Variants in CNTNAP2 observed in about 807,000 individuals in gnomAD.
CNTNAP2 encodes the protein contactin-associated protein-like 2.
CNTNAP2 carries 98 observed loss-of-function variants against 155.2 expected under a neutral mutation model. The observed-to-expected ratio is 0.63, with a 90% confidence interval of 0.54 to 0.75. The LOEUF (loss-of-function observed/expected upper bound fraction) is 0.75. Ranked by LOEUF, CNTNAP2 falls within the 30% of genes least tolerant of loss-of-function variation. The pLI, the probability that CNTNAP2 is intolerant of heterozygous loss-of-function variation, is 0.00. For missense variants in CNTNAP2, 1,727 were observed against 1,688.1 expected, an observed-to-expected ratio of 1.02 and a Z score of -0.40; for synonymous variants, 651 against 631.2, an observed-to-expected ratio of 1.03 and a Z score of -0.47.
chr7:146,670,997 G>C (rs1053752564), intron 1 of CNTNAP2, among the ~76,000 whole-genome samples: 4 of 152,102 alleles, frequency 2.6e-5, no homozygotes, highest in Admixed American at 2.0e-4. Context: ...TTAGGACCTA[G>C]CACTCCCAGT....
chr7:146,671,138 T>C (rs1183718641), intron 1 of CNTNAP2, among the ~76,000 whole-genome samples: 1 of 152,176 alleles, frequency 6.6e-6, no homozygotes, highest in Non-Finnish European at 1.5e-5. Flanking sequence ...GAGACTTTTC[T>C]TCTTAAACTG....
chr7:147,288,022 TC>T (rs369853209), intron 8 of CNTNAP2, among the ~76,000 whole-genome samples: 2 of 152,088 alleles, frequency 1.3e-5, no homozygotes, highest in African/African-American at 4.8e-5. Context: ...CCTCAGTCCT[TC>T]CCCCTTACCT....
At chr7:146,366,185 A>G (rs1795152724) in intron 1 of CNTNAP2, among the ~76,000 whole-genome samples, 4 of 152,116 alleles carry the variant, frequency 2.6e-5, no homozygotes, top group African/African-American at 7.2e-5. Context: ...TGTGTTTTCT[A>G]CTAGATTTAA....
intron 14 of CNTNAP2, among the ~76,000 whole-genome samples, chr7:147,923,779 C>T (rs1706304494): frequency 6.6e-6 from 1 of 152,030 alleles, no homozygotes; most frequent in Non-Finnish European, 1.5e-5. Context: ...GATTCTTCTA[C>T]CTTGGTCTCC....
Position 148,281,835 on chromosome 7 carries a change from C to CTTTTTTTTTT in CNTNAP2, c.3475+14719_3475+14728dup, listed in dbSNP as rs58086860. ...CATAGCTGGTACTTCACAACGTTTC[C>CTTTTTTTTTT]TTTTTTTTTTTTTTTTTTTGAGACG... On this transcript the variant is annotated intron_variant, in intron 21 of 23. Transcript: ENST00000361727. 1.6e-5 allele frequency among the ~76,000 whole-genome samples: 2 copies of CTTTTTTTTTT among 123,464 alleles called. 1 individual carries two copies. 81.0% of individuals were successfully genotyped at this position (123,464 alleles called of 152,430 possible). A position where few individuals can be genotyped will look rare whatever the true frequency, so the allele number is the denominator to read the frequency against.
intron 8 of CNTNAP2, among the ~76,000 whole-genome samples, chr7:147,251,974 C>T (rs1584820816): frequency 6.6e-6 from 1 of 151,602 alleles, no homozygotes; most frequent in African/African-American, 2.4e-5. Flanking sequence ...TAAAAAAAAA[C>T]AGCAAGGAGT....
intron 11 of CNTNAP2, among the ~76,000 whole-genome samples, chr7:147,541,133 A>G (rs1799631741): frequency 6.6e-6 from 1 of 152,200 alleles, no homozygotes; most frequent in African/African-American, 2.4e-5. Flanking sequence ...AGATGGTAAC[A>G]GTTAGAACAC....
At chr7:147,803,649 G>A (rs1382541319) in intron 13 of CNTNAP2, among the ~76,000 whole-genome samples, 1 of 152,164 alleles carries the variant, frequency 6.6e-6, no homozygotes, top group Non-Finnish European at 1.5e-5. Context: ...GTCTCCACCT[G>A]GCTCTGGAAG....
intron 2 of CNTNAP2, among the ~76,000 whole-genome samples, chr7:146,811,433 A>G (rs1803064026): frequency 6.6e-6 from 1 of 152,050 alleles, no homozygotes; most frequent in Admixed American, 6.6e-5. Flanking sequence ...ATAAGAGTTC[A>G]TAGTGATTTC....
At chr7:146,427,761 A>T (rs1319491999) in intron 1 of CNTNAP2, among the ~76,000 whole-genome samples, 1 of 152,214 alleles carries the variant, frequency 6.6e-6, no homozygotes, top group Non-Finnish European at 1.5e-5. Context: ...TTTTAAGTTC[A>T]GGGGGACATG....
intron 11 of CNTNAP2, among the ~76,000 whole-genome samples, chr7:147,559,446 A>G (rs1289532795): frequency 1.3e-5 from 2 of 152,224 alleles, no homozygotes; most frequent in East Asian, 3.9e-4. Flanking sequence ...CATAAAAGTG[A>G]TGTTTCATAA....
intron 3 of CNTNAP2, among the ~76,000 whole-genome samples, chr7:146,975,003 C>G (rs1409173155): frequency 6.6e-6 from 1 of 152,078 alleles, no homozygotes; most frequent in Non-Finnish European, 1.5e-5. Context: ...CAAGAATAGA[C>G]AGTATATTCA....
At chr7:147,716,788 C>T (rs972363012) in intron 13 of CNTNAP2, among the ~76,000 whole-genome samples, 16 of 152,148 alleles carry the variant, frequency 1.1e-4, no homozygotes, top group African/African-American at 3.9e-4. Flanking sequence ...GTTGCCCTCA[C>T]TATCTGCCGA....
At position 148,415,711 on chromosome 7, in the gene CNTNAP2, C is replaced by G; in HGVS notation, c.*95C>G. On this transcript the variant is annotated 3_prime_UTR_variant, in exon 24 of 24. Coordinates refer to ENST00000361727, the MANE Select transcript of CNTNAP2 (RefSeq NM_014141.6). ...CCTGCTTCATACTCTTGAGCACATCCTTAAAATATCAGCACAAGTTGGGGG... is the reference window on the plus strand; with the variant it reads ...CCTGCTTCATACTCTTGAGCACATCGTTAAAATATCAGCACAAGTTGGGGG... 7.2e-7 allele frequency: 1 copy of G among 1,388,494 alleles called. No homozygotes were observed. The highest frequency in any genetic ancestry group is 1.0e-6 in the Non-Finnish European group (1 of 989,008). 86.0% of individuals were successfully genotyped at this position (1,388,494 alleles called of 1,614,324 possible). A position where few individuals can be genotyped will look rare whatever the true frequency, so the allele number is the denominator to read the frequency against.
chr7:146,403,334 G>A (rs1795741488), intron 1 of CNTNAP2, among the ~76,000 whole-genome samples: 1 of 152,020 alleles, frequency 6.6e-6, no homozygotes, highest in South Asian at 2.1e-4. Context: ...ACAAAGTTTG[G>A]GTCATTTGAT....
At chr7:147,351,439 G>C (rs533654278) in intron 9 of CNTNAP2, among the ~76,000 whole-genome samples, 1 of 151,676 alleles carries the variant, frequency 6.6e-6, no homozygotes, top group African/African-American at 2.4e-5. Flanking sequence ...GAGAAAAATA[G>C]CATCTGAGCA....
intron 9 of CNTNAP2, among the ~76,000 whole-genome samples, chr7:147,388,087 G>A (rs926698628): frequency 2.4e-4 from 36 of 152,266 alleles, no homozygotes; most frequent in African/African-American, 8.2e-4. Flanking sequence ...AGTAGGATAT[G>A]ATCTGTAGCT....
chr7:147,984,573 G>A (rs1563157681), intron 15 of CNTNAP2, among the ~76,000 whole-genome samples: 1 of 152,014 alleles, frequency 6.6e-6, no homozygotes, highest in Non-Finnish European at 1.5e-5. Context: ...ATGCTCTCGG[G>A]GAGTGGCTGG....
chr7:147,407,487 A>G (rs1269393768), intron 10 of CNTNAP2, among the ~76,000 whole-genome samples: 1 of 147,646 alleles, frequency 6.8e-6, no homozygotes, highest in Non-Finnish European at 1.5e-5. Context: ...AAAAAAAAAA[A>G]AAAAAAAAAA....
Sources: gnomAD v4.1 joint callset for allele counts (sites outside exome capture counted in the v4.1 genomes callset) on GRCh38, gnomAD v4.1.1 for gene constraint, MANE v1.5 for transcripts, NCBI Gene and HGNC (gene_info 2026-07-23, HGNC 2026-07-21) for gene names.